ADK: variants seen among roughly 807,000 people sequenced by gnomAD.
ADK encodes the protein adenosine kinase, also known as N6,N6-dimethyladenosine kinase.
Under a neutral mutation model 44.7 loss-of-function variants are expected in ADK, and 24 were observed. That is an observed-to-expected ratio of 0.54 (90% CI 0.39 to 0.76). ADK has a LOEUF of 0.76. Ranked by LOEUF, ADK falls within the 30% of genes least tolerant of loss-of-function variation. The pLI is 0.00. For synonymous variants in ADK, 128 were observed against 142.6 expected, an observed-to-expected ratio of 0.90 and a Z score of 0.73; for missense variants, 321 against 425.1, an observed-to-expected ratio of 0.76 and a Z score of 2.15.
intron 2 of ADK, among the ~76,000 whole-genome samples, chr10:74,211,184 C>G (rs943198837): frequency 1.3e-5 from 2 of 152,140 alleles, no homozygotes; most frequent in Admixed American, 1.3e-4. Context: ...CGTGCCCGGT[C>G]TTTTAATTAA....
At chr10:74,573,924 C>T (rs1015976004) in intron 7 of ADK, among the ~76,000 whole-genome samples, 1 of 152,196 alleles carries the variant, frequency 6.6e-6, no homozygotes, top group South Asian at 2.1e-4. Context: ...CTTTCTTTGA[C>T]TAGGAAAGGG....
intron 6 of ADK, among the ~76,000 whole-genome samples, chr10:74,437,836 A>G (rs1313181268): frequency 6.6e-6 from 1 of 152,188 alleles, no homozygotes; most frequent in East Asian, 1.9e-4. Context: ...CATGTCTTAC[A>G]TGGCTTTCCT....
chr10:74,617,817 C>T (rs749792005), intron 9 of ADK, among the ~76,000 whole-genome samples: 2 of 152,136 alleles, frequency 1.3e-5, no homozygotes, highest in Non-Finnish European at 2.9e-5. Context: ...ATCTTGAACT[C>T]CTGGGCTCAA....
At chr10:74,191,477 C>G (rs1197759767) in intron 1 of ADK, among the ~76,000 whole-genome samples, 1 of 152,146 alleles carries the variant, frequency 6.6e-6, no homozygotes, top group Admixed American at 6.5e-5. Context: ...GTCTCGAACT[C>G]TTGGGCTCAA....
chr10:74,462,131 G>A (rs1846192300), intron 6 of ADK, among the ~76,000 whole-genome samples: 1 of 152,002 alleles, frequency 6.6e-6, no homozygotes, highest in South Asian at 2.1e-4. Context: ...CTTGTTTGTT[G>A]TTTTGTTTTT....
At chr10:74,214,253 TG>T (rs1486538439) in intron 2 of ADK, among the ~76,000 whole-genome samples, 2 of 152,208 alleles carry the variant, frequency 1.3e-5, no homozygotes, top group Non-Finnish European at 2.9e-5. Flanking sequence ...TTAATGGTTT[TG>T]CCCCCCCATT....
chr10:74,638,701 T>C (rs1853712904), intron 9 of ADK, among the ~76,000 whole-genome samples: 1 of 152,228 alleles, frequency 6.6e-6, no homozygotes, highest in Non-Finnish European at 1.5e-5. Context: ...TTGCTTTTAT[T>C]AATGAGCTTT....
chr10:74,235,724 T>C (rs1227058456), intron 3 of ADK, among the ~76,000 whole-genome samples: 1 of 152,232 alleles, frequency 6.6e-6, no homozygotes, highest in Admixed American at 6.5e-5. Context: ...CTCCTTTCTT[T>C]CTGCTATGGT....
chr10:74,399,466 A>G (rs904242071), intron 6 of ADK, among the ~76,000 whole-genome samples: 3 of 151,780 alleles, frequency 2.0e-5, no homozygotes, highest in Admixed American at 6.6e-5. Context: ...AGGCTTTACA[A>G]CATTGTTATT....
At chr10:74,669,815 A>C (rs1855103866) in intron 9 of ADK, among the ~76,000 whole-genome samples, 1 of 152,162 alleles carries the variant, frequency 6.6e-6, no homozygotes, top group African/African-American at 2.4e-5. Flanking sequence ...TCAGGCTCGA[A>C]GCTTTTTTAG....
At chr10:74,503,629 C>T (rs1847951889) in intron 6 of ADK, among the ~76,000 whole-genome samples, 1 of 152,086 alleles carries the variant, frequency 6.6e-6, no homozygotes. Context: ...TTAGACACTG[C>T]ATTTTGAGAC....
chr10:74,541,792 A>ACCCCCC (rs1172991136), intron 7 of ADK, among the ~76,000 whole-genome samples: 2 of 28,832 alleles, frequency 6.9e-5, no homozygotes, highest in Non-Finnish European at 1.4e-4. Flanking sequence ...GAACCCCCAC[A>ACCCCCC]CACCCCCCCC....
intron 7 of ADK, among the ~76,000 whole-genome samples, chr10:74,543,964 T>C (rs1214475966): frequency 2.6e-5 from 4 of 152,164 alleles, no homozygotes; most frequent in African/African-American, 9.7e-5. Flanking sequence ...TTTCATCTTA[T>C]ACTTCTCTCC....
chr10:74,440,249 C>T lies in ADK; in HGVS notation c.555+41670C>T, dbSNP rs116977801. 6.7e-3 allele frequency among the ~76,000 whole-genome samples: 1,025 copies of T among 152,108 alleles called. 7 individuals carry two copies. The highest frequency in any genetic ancestry group is 0.011 in the Non-Finnish European group (724 of 67,944). Reference sequence around the variant, plus strand: ...AGTAATACATTACATATTTAGTTCTCTCAGTAGCCTTCTGAGTTAAATTCT... The same window carrying T: ...AGTAATACATTACATATTTAGTTCTTTCAGTAGCCTTCTGAGTTAAATTCT... On this transcript the variant is annotated intron_variant, in intron 6 of 10. Transcript: ENST00000539909.
At chr10:74,577,070 C>T (rs1851210975) in intron 7 of ADK, among the ~76,000 whole-genome samples, 1 of 149,878 alleles carries the variant, frequency 6.7e-6, no homozygotes, top group South Asian at 2.1e-4. Context: ...ATTTATTCAC[C>T]ATCTACTACA....
chr10:74,271,728 T>C (rs11000947), intron 3 of ADK, among the ~76,000 whole-genome samples: 97,307 of 149,924 alleles, frequency 0.65, 32,862 homozygotes, highest in Middle Eastern at 0.8. Context: ...CATGTCCCTA[T>C]AAAGGACATG....
intron 3 of ADK, among the ~76,000 whole-genome samples, chr10:74,292,663 A>G (rs1029616467): frequency 2.0e-5 from 3 of 152,130 alleles, no homozygotes; most frequent in African/African-American, 4.8e-5. Flanking sequence ...CCTGAGACTC[A>G]TTCTTGTTTT....
At chr10:74,374,791 A>G (rs1842769027) in intron 4 of ADK, among the ~76,000 whole-genome samples, 1 of 151,956 alleles carries the variant, frequency 6.6e-6, no homozygotes, top group Non-Finnish European at 1.5e-5. Flanking sequence ...ACTTTAGTTT[A>G]TTTTTCTTCT....
intron 3 of ADK, among the ~76,000 whole-genome samples, chr10:74,277,771 G>A (rs1416720316): frequency 1.3e-5 from 2 of 152,038 alleles, no homozygotes; most frequent in African/African-American, 2.4e-5. Flanking sequence ...TTTTTAAAAA[G>A]CTATTTTTTC....
Sources: gnomAD v4.1 joint callset for allele counts (sites outside exome capture counted in the v4.1 genomes callset) on GRCh38, gnomAD v4.1.1 for gene constraint, MANE v1.5 for transcripts, NCBI Gene and HGNC (gene_info 2026-07-23, HGNC 2026-07-21) for gene names.